TNFSF12: variants seen among roughly 807,000 people sequenced by gnomAD.
TNFSF12 encodes the protein TNF superfamily member 12.
In TNFSF12, 16 loss-of-function variants were observed where a neutral mutation model predicts 31.2. That is an observed-to-expected ratio of 0.51 (90% CI 0.35 to 0.78). The LOEUF is 0.78. Ranked by LOEUF, TNFSF12 falls within the 30% of genes least tolerant of loss-of-function variation. The pLI is 0.01. For missense variants in TNFSF12, 324 were observed against 338.8 expected, an observed-to-expected ratio of 0.96 and a Z score of 0.34; for synonymous variants, 150 against 151.4, an observed-to-expected ratio of 0.99 and a Z score of 0.07.
Position 7,550,756 on chromosome 17 carries a change from C to A in TNFSF12, c.284-43C>A, listed in dbSNP as rs371579982. The A allele has an allele frequency of 1.2e-5, 19 of 1,591,674 alleles. No individual in the cohort carries two copies. The highest frequency in any genetic ancestry group is 3.3e-4 in the Middle Eastern group (2 of 5,978). Reference sequence around the variant, plus strand: ...GCTGGGAGAGTTGCTCTGGGACCCCCACTAGGGCCCGCTTTGCTCATCTGT... The same window carrying A: ...GCTGGGAGAGTTGCTCTGGGACCCCAACTAGGGCCCGCTTTGCTCATCTGT... On this transcript the variant is annotated intron_variant, in intron 3 of 6. Coordinates refer to ENST00000293825, the MANE Select transcript of TNFSF12 (RefSeq NM_003809.3). This position sits in a 1 kb window ranked among gnomAD's most constrained non-coding sequence, Gnocchi z 4.4.
At position 7,557,552 on chromosome 17, in the gene TNFSF12, G is replaced by A. The variant is rs1333804439; in HGVS notation, c.*202G>A. The A allele has an allele frequency of 1.4e-5, 10 of 723,714 alleles. No individual in the cohort carries two copies. Among genetic ancestry groups the A allele is most frequent in the Admixed American group, 6.7e-5 (2 of 29,656 alleles). 44.8% of individuals were successfully genotyped at this position (723,714 alleles called of 1,614,324 possible). A position where few individuals can be genotyped will look rare whatever the true frequency, so the allele number is the denominator to read the frequency against. Reference sequence around the variant, plus strand: ...ACTCTTATCTTACAACTCCCCCACCGCCCACTCTCCACCTCACTAGCTCCC... The same window carrying A: ...ACTCTTATCTTACAACTCCCCCACCACCCACTCTCCACCTCACTAGCTCCC... On this transcript the variant is annotated 3_prime_UTR_variant, in exon 7 of 7. Transcript: ENST00000293825. The surrounding 1 kb of genome is among the most constrained non-coding windows in gnomAD (Gnocchi z 5.2).
chr17:7,549,995 T>C lies in TNFSF12; in HGVS notation c.208-125T>C. ...GCCCGGGGCCCCAGCTGTAGTTGGCTGAGGGGCTTAATCTGTCCCTGACTT... is the reference window on the plus strand; with the variant it reads ...GCCCGGGGCCCCAGCTGTAGTTGGCCGAGGGGCTTAATCTGTCCCTGACTT... On this transcript the variant is annotated intron_variant, in intron 2 of 6. Transcript: ENST00000293825. The surrounding 1 kb of genome is among the most constrained non-coding windows in gnomAD (Gnocchi z 4.1). 6.7e-7 allele frequency: 1 copy of C among 1,491,356 alleles called. No individual in the cohort carries two copies. The highest frequency in any genetic ancestry group is 9.2e-7 in the Non-Finnish European group (1 of 1,083,348). The allele number at this position is 1,491,356 out of a possible 1,614,324, so 92.4% of individuals were successfully genotyped here. A position where few individuals can be genotyped will look rare whatever the true frequency, so the allele number is the denominator to read the frequency against.
intron 5 of TNFSF12, chr17:7,553,906 G>A (rs2071028547): frequency 2.9e-6 from 3 of 1,019,558 alleles, no homozygotes; most frequent in Non-Finnish European, 3.6e-6. Context: ...CTAGGGAGAT[G>A]GAGACAGGAG....
Position 7,549,599 on chromosome 17 carries a change from C to T in TNFSF12, c.207+78C>T. Reference sequence around the variant, plus strand: ...CAGCCGAGGCTGCAGGTGTGTGCAGCTGTGCCAGCCGTACTCGAGGTGTGT... The same window carrying T: ...CAGCCGAGGCTGCAGGTGTGTGCAGTTGTGCCAGCCGTACTCGAGGTGTGT... On this transcript the variant is annotated intron_variant, in intron 2 of 6. Coordinates refer to ENST00000293825, the MANE Select transcript of TNFSF12 (RefSeq NM_003809.3). This position sits in a 1 kb window ranked among gnomAD's most constrained non-coding sequence, Gnocchi z 4.1. 6.9e-7 allele frequency: 1 copy of T among 1,449,464 alleles called. No homozygotes were observed. The highest frequency in any genetic ancestry group is 9.1e-7 in the Non-Finnish European group (1 of 1,094,404). The allele number at this position is 1,449,464 out of a possible 1,614,324, so 89.8% of individuals were successfully genotyped here. A position where few individuals can be genotyped will look rare whatever the true frequency, so the allele number is the denominator to read the frequency against.
rs773654872 is a variant in TNFSF12 at position 7,550,227 on chromosome 17, C to T, written c.283+32C>T. 7 of 1,613,836 alleles carry T rather than the reference C, an allele frequency of 4.3e-6. No homozygotes were observed. In the South Asian group the frequency reaches 5.5e-5, roughly 13 times the overall value. ...ATCCCTCTATCCCAACCTCAGGAAG[C>T]GGGCAGAGCAAAAACCATTATCCAC... On this transcript the variant is annotated intron_variant, in intron 3 of 6. Transcript: ENST00000293825. This position sits in a 1 kb window ranked among gnomAD's most constrained non-coding sequence, Gnocchi z 4.4.
intron 5 of TNFSF12, among the ~76,000 whole-genome samples, chr17:7,553,101 G>A (rs1310027844): frequency 1.6e-5 from 2 of 125,720 alleles, no homozygotes; most frequent in Non-Finnish European, 3.1e-5. Flanking sequence ...GCTGGATCCA[G>A]TGCAATGGCA....
chr17:7,550,804 A>T lies in TNFSF12; in HGVS notation c.289A>T (p.Lys97Ter). The T allele has an allele frequency of 6.2e-7, 1 of 1,610,472 alleles. No homozygotes were observed. Among genetic ancestry groups the T allele is most frequent in the Non-Finnish European group, 8.5e-7 (1 of 1,177,026 alleles). The change falls in exon 4 of 7, where the codon AAA becomes TAA. Residue 97 changes from lysine to a stop codon, truncating the protein, a stop_gained. Transcript: ENST00000293825. LOFTEE classifies it high-confidence loss of function. This position sits in a 1 kb window ranked among gnomAD's most constrained non-coding sequence, Gnocchi z 4.4. ...RLVRPRRSAP[K>*]GRKTRARRAI... ...TGTCTTTCCTTGATCCTCAGCACCTAAAGGCCGGAAAACACGGGCTCGAAG... is the reference window on the plus strand; with the variant it reads ...TGTCTTTCCTTGATCCTCAGCACCTTAAGGCCGGAAAACACGGGCTCGAAG...
At position 7,557,129 on chromosome 17, in the gene TNFSF12, C is replaced by T. The variant is rs1239258225; in HGVS notation, c.529C>T (p.Leu177=). 6.2e-7 allele frequency: 1 copy of T among 1,613,564 alleles called. No individual in the cohort carries two copies. Among genetic ancestry groups the T allele is most frequent in the Non-Finnish European group, 8.5e-7 (1 of 1,179,854 alleles). ...VHFDEGKAVY[L]KLDLLVDGVL... ...CTTTGATGAGGGGAAGGCTGTCTAC[C>T]TGAAGCTGGACTTGCTGGTGGATGG... Residue 177 remains leucine (L), a synonymous_variant, in exon 7 of 7, where the codon CTG becomes TTG. Coordinates refer to ENST00000293825, the MANE Select transcript of TNFSF12 (RefSeq NM_003809.3). This position sits in a 1 kb window ranked among gnomAD's most constrained non-coding sequence, Gnocchi z 5.2.
chr17:7,557,053 C>T lies in TNFSF12; in HGVS notation c.499-46C>T, dbSNP rs768098430. Reference sequence around the variant, plus strand: ...TCGCTGAGGAAATTGGAAATTGAGGCGAGGGCAGGCAGAGGCCTGGACTCG... The same window carrying T: ...TCGCTGAGGAAATTGGAAATTGAGGTGAGGGCAGGCAGAGGCCTGGACTCG... On this transcript the variant is annotated intron_variant, in intron 6 of 6. Transcript: ENST00000293825. This position sits in a 1 kb window ranked among gnomAD's most constrained non-coding sequence, Gnocchi z 5.2. 5.7e-6 allele frequency: 9 copies of T among 1,568,484 alleles called. No homozygotes were observed. Among genetic ancestry groups the T allele is most frequent in the Middle Eastern group, 1.7e-4 (1 of 5,894 alleles).
In TNFSF12 at chr17:7,557,007, G is replaced by A; in HGVS notation, c.499-92G>A. On this transcript the variant is annotated intron_variant, in intron 6 of 6. Transcript: ENST00000293825. The surrounding 1 kb of genome is among the most constrained non-coding windows in gnomAD (Gnocchi z 5.2). ...GGGCTGGGAGGGTGAGTTGGGGTTT[G>A]GGTGGGATGGGATGCCTGCGTCGCT... 6.5e-7 allele frequency: 1 copy of A among 1,538,904 alleles called. No homozygotes were observed.
chr17:7,555,985 T>TTG (rs1555564710), intron 5 of TNFSF12, among the ~76,000 whole-genome samples: 1 of 132,238 alleles, frequency 7.6e-6, no homozygotes, highest in Non-Finnish European at 1.7e-5. Context: ...TTTTTTTGTT[T>TTG]TTTTTTTTTT....
rs1367179093 is a variant in TNFSF12, at chr17:7,550,864, G to C, written c.337+12G>C. The C allele has an allele frequency of 6.2e-7, 1 of 1,613,378 alleles. No individual in the cohort carries two copies. The highest frequency in any genetic ancestry group is 1.1e-5 in the South Asian group (1 of 91,052). ...AGCCCATTATGAAGGTGGGTGATGG[G>C]TGAGCCATACCCAGGAGGAGAGGGG... On this transcript the variant is annotated intron_variant, in intron 4 of 6. Coordinates refer to ENST00000293825, the MANE Select transcript of TNFSF12 (RefSeq NM_003809.3). The surrounding 1 kb of genome is among the most constrained non-coding windows in gnomAD (Gnocchi z 4.4).
In TNFSF12 at chr17:7,550,991, C is replaced by G; in HGVS notation, c.373+13C>G. ...GGAGCGCAGGCAGGTGAGACCCCAT[C>G]CCCCGACACAGCACTGGCCTCCTGG... On this transcript the variant is annotated intron_variant, in intron 5 of 6. Coordinates refer to ENST00000293825, the MANE Select transcript of TNFSF12 (RefSeq NM_003809.3). The surrounding 1 kb of genome is among the most constrained non-coding windows in gnomAD (Gnocchi z 4.4). 6.2e-7 allele frequency: 1 copy of G among 1,613,424 alleles called. No homozygotes were observed. Among genetic ancestry groups the G allele is most frequent in the South Asian group, 1.1e-5 (1 of 91,036 alleles).
At chr17:7,551,604 T>C (rs1482070101) in intron 5 of TNFSF12, among the ~76,000 whole-genome samples, 1 of 152,134 alleles carries the variant, frequency 6.6e-6, no homozygotes, top group Non-Finnish European at 1.5e-5. Flanking sequence ...ACTTTGCACA[T>C]ACCATCCCCC....
chr17:7,549,983 G>C lies in TNFSF12; in HGVS notation c.208-137G>C. On this transcript the variant is annotated intron_variant, in intron 2 of 6. Coordinates refer to ENST00000293825, the MANE Select transcript of TNFSF12 (RefSeq NM_003809.3). The surrounding 1 kb of genome is among the most constrained non-coding windows in gnomAD (Gnocchi z 4.1). ...AGCTTCACCTTTGCCCGGGGCCCCA[G>C]CTGTAGTTGGCTGAGGGGCTTAATC... 1 of 1,397,164 alleles carries C rather than the reference G, an allele frequency of 7.2e-7. No homozygotes were observed. 86.5% of individuals were successfully genotyped at this position (1,397,164 alleles called of 1,614,324 possible).
At chr17:7,555,055 G>A (rs1597826954) in intron 5 of TNFSF12, among the ~76,000 whole-genome samples, 1 of 151,994 alleles carries the variant, frequency 6.6e-6, no homozygotes, top group African/African-American at 2.4e-5. Context: ...GCTGAAGCAT[G>A]AGAATCACTT....
rs4968189 is a variant in TNFSF12 at position 7,557,242 on chromosome 17, G to T, written c.642G>T (p.Gly214=). Residue 214 remains glycine (G), a synonymous_variant, in exon 7 of 7, where the codon GGG becomes GGT. Transcript: ENST00000293825. This position sits in a 1 kb window ranked among gnomAD's most constrained non-coding sequence, Gnocchi z 5.2. The part of the protein sequence containing the change: ...GPQLRLCQVS[G]LLALRPGSSL... ...AGCTCCGCCTCTGCCAGGTGTCTGG[G>T]CTGTTGGCCCTGCGGCCAGGGTCCT... is the stretch of plus-strand genomic sequence containing the variant. 3.1e-3 allele frequency: 4,944 copies of T among 1,613,724 alleles called. 132 individuals carry two copies. The African/African-American group carries it at 0.057, about 19-fold the overall frequency.
Position 7,556,847 on chromosome 17 carries a change from G to C in TNFSF12, c.443G>C (p.Arg148Pro). The C allele has an allele frequency of 1.3e-6, 2 of 1,558,966 alleles. No homozygotes were observed. Among genetic ancestry groups the C allele is most frequent in the Non-Finnish European group, 1.7e-6 (2 of 1,149,644 alleles). ...INSSSPLRYNRQIGEFIVTRA... is the reference protein window; with the variant it reads ...INSSSPLRYNPQIGEFIVTRA... Reference sequence around the variant, plus strand: ...AGCTCCAGCCCTCTGCGCTACAACCGCCAGATCGGGGAGTTTATAGTCACC... The same window carrying C: ...AGCTCCAGCCCTCTGCGCTACAACCCCCAGATCGGGGAGTTTATAGTCACC... The change falls in exon 6 of 7, where the codon CGC becomes CCC. Residue 148 changes from arginine to proline, a missense_variant. By Grantham distance (103) the Arg-to-Pro change is moderately radical. Transcript: ENST00000293825.
At chr17:7,556,380 TTGA>T (rs1423348920) in intron 5 of TNFSF12, among the ~76,000 whole-genome samples, 1 of 152,232 alleles carries the variant, frequency 6.6e-6, no homozygotes, top group Non-Finnish European at 1.5e-5. Flanking sequence ...AGACATTTTG[TTGA>T]TGGACAATTG....
Sources: gnomAD v4.1 joint callset for allele counts (sites outside exome capture counted in the v4.1 genomes callset) on GRCh38, gnomAD v4.1.1 for gene constraint, Gnocchi (gnomAD v3.1) non-coding constraint, MANE v1.5 for transcripts, NCBI Gene and HGNC (gene_info 2026-07-23, HGNC 2026-07-21) for gene names.